Variants in TAFA1 observed in about 807,000 individuals in gnomAD.
TAFA1 encodes the protein chemokine-like protein TAFA-1.
In TAFA1, 4 loss-of-function variants were observed where a neutral mutation model predicts 18.5. The ratio of observed to expected loss-of-function variants is 0.22; its 90% CI spans 0.11 to 0.49. TAFA1 has a LOEUF of 0.49. Ranked by LOEUF, TAFA1 falls within the 20% of genes least tolerant of loss-of-function variation. The probability of loss-of-function intolerance (pLI) is 0.98; values close to 1 mark genes in which losing one functional copy is unlikely to be tolerated. For synonymous variants in TAFA1, 56 were observed against 55.2 expected, an observed-to-expected ratio of 1.01 and a Z score of -0.06; for missense variants, 147 against 169.0, an observed-to-expected ratio of 0.87 and a Z score of 0.72.
chr3:68,463,895 AC>A (rs1458405415), intron 3 of TAFA1, among the ~76,000 whole-genome samples: 1 of 152,146 alleles, frequency 6.6e-6, no homozygotes, highest in Non-Finnish European at 1.5e-5. Context: ...GTAATAAAAA[AC>A]AATTTTTAAG....
chr3:68,384,131 T>C (rs2070038818), intron 2 of TAFA1, among the ~76,000 whole-genome samples: 1 of 152,040 alleles, frequency 6.6e-6, no homozygotes, highest in South Asian at 2.1e-4. Flanking sequence ...AAAAAATGCC[T>C]CCTGTATTCA....
intron 2 of TAFA1, among the ~76,000 whole-genome samples, chr3:68,312,835 A>C (rs1042803527): frequency 6.6e-6 from 1 of 152,156 alleles, no homozygotes; most frequent in Non-Finnish European, 1.5e-5. Context: ...GTATTAGTCC[A>C]TTTTCATGCT....
intron 3 of TAFA1, among the ~76,000 whole-genome samples, chr3:68,485,057 G>C (rs527300724): frequency 6.6e-6 from 1 of 152,130 alleles, no homozygotes; most frequent in East Asian, 1.9e-4. Context: ...AGGTGGATGT[G>C]GCTGTATCTA....
intron 2 of TAFA1, among the ~76,000 whole-genome samples, chr3:68,098,283 T>G (rs2065110593): frequency 6.6e-6 from 1 of 152,126 alleles, no homozygotes; most frequent in South Asian, 2.1e-4. Context: ...TTCTGTTACA[T>G]GCATCTAAAT....
At chr3:68,173,495 C>A (rs2066084667) in intron 2 of TAFA1, among the ~76,000 whole-genome samples, 1 of 152,018 alleles carries the variant, frequency 6.6e-6, no homozygotes, top group African/African-American at 2.4e-5. Context: ...AGTGATACAG[C>A]CACACATACA....
intron 2 of TAFA1, among the ~76,000 whole-genome samples, chr3:68,048,649 A>G (rs1019838053): frequency 6.6e-6 from 1 of 151,720 alleles, no homozygotes; most frequent in African/African-American, 2.4e-5. Flanking sequence ...TCTACTCTCT[A>G]TCTCCATTAA....
chr3:68,103,301 G>A (rs759322873), intron 2 of TAFA1, among the ~76,000 whole-genome samples: 7 of 152,168 alleles, frequency 4.6e-5, no homozygotes, highest in Non-Finnish European at 8.8e-5. Context: ...CTGCAGGAAG[G>A]GCTGACCCAA....
rs546785493 is a variant in TAFA1, at chr3:68,501,998, A to G, written c.260-36758A>G. Among the ~76,000 whole-genome samples, 66 of 152,272 alleles carry G rather than the reference A, an allele frequency of 4.3e-4. 2 individuals carry two copies. In the South Asian group the frequency reaches 0.013, roughly 31 times the overall value. ...AGCTAGAAGAAAAATAATCCAAACT[A>G]TTTGGGAGGTTAGAAACCCAATCAT... On this transcript the variant is annotated intron_variant, in intron 3 of 4. Coordinates refer to ENST00000478136, the MANE Select transcript of TAFA1 (RefSeq NM_213609.4).
intron 2 of TAFA1, among the ~76,000 whole-genome samples, chr3:68,055,566 G>A (rs73106898): frequency 0.018 from 2,751 of 152,100 alleles, 49 homozygotes; most frequent in Middle Eastern, 0.037. Flanking sequence ...ATATTAGAAC[G>A]TGGGGACAGA....
chr3:68,235,344 G>T (rs572057054), intron 2 of TAFA1, among the ~76,000 whole-genome samples: 151 of 152,126 alleles, frequency 9.9e-4, no homozygotes, highest in Non-Finnish European at 1.6e-3. Context: ...GGAATAATTT[G>T]TCTCTATTAT....
At chr3:68,057,149 T>C (rs906023366) in intron 2 of TAFA1, among the ~76,000 whole-genome samples, 10 of 152,226 alleles carry the variant, frequency 6.6e-5, no homozygotes, top group African/African-American at 2.2e-4. Flanking sequence ...AATCAATGTA[T>C]ATTTCACCCT....
chr3:68,222,027 A>G (rs2066737733), intron 2 of TAFA1, among the ~76,000 whole-genome samples: 1 of 152,202 alleles, frequency 6.6e-6, no homozygotes, highest in Non-Finnish European at 1.5e-5. Context: ...ATCTGAGCAG[A>G]CCAAAAATCC....
At chr3:68,107,889 G>T (rs11718992) in intron 2 of TAFA1, among the ~76,000 whole-genome samples, 2 of 151,996 alleles carry the variant, frequency 1.3e-5, no homozygotes, top group African/African-American at 4.8e-5. Flanking sequence ...TTTTACAGAG[G>T]CCCTTGGATG....
In TAFA1 at chr3:68,529,787, T is replaced by C. The variant is rs534044962; in HGVS notation, c.260-8969T>C. The stretch of plus-strand genomic sequence containing the variant: ...TAAGAGGGTGAGAATTCACTCACCC[T>C]CCCCTGTAGGGGAATTGACCTGTTC... On this transcript the variant is annotated intron_variant, in intron 3 of 4. Transcript: ENST00000478136. 2.2e-4 allele frequency among the ~76,000 whole-genome samples: 34 copies of C among 152,186 alleles called. 1 individual carries two copies. In the East Asian group the frequency reaches 6.4e-3, roughly 29 times the overall value.
intron 2 of TAFA1, among the ~76,000 whole-genome samples, chr3:68,281,417 T>C (rs2067895031): frequency 6.6e-6 from 1 of 151,530 alleles, no homozygotes; most frequent in Admixed American, 6.6e-5. Context: ...GCTCTAGGAG[T>C]AGTTATTTAA....
upstream of TAFA1, among the ~76,000 whole-genome samples, chr3:68,001,593 G>C (rs916338032): frequency 7.6e-6 from 1 of 131,384 alleles, no homozygotes; most frequent in African/African-American, 2.9e-5. Context: ...TTTTTTTTTT[G>C]GTTGCTGCTT....
chr3:68,241,918 A>T (rs2067005602), intron 2 of TAFA1, among the ~76,000 whole-genome samples: 1 of 152,224 alleles, frequency 6.6e-6, no homozygotes, highest in Non-Finnish European at 1.5e-5. Flanking sequence ...GAAAATCTTG[A>T]AGTTTTGCAA....
At position 68,237,898 on chromosome 3, in the gene TAFA1, T is replaced by C. The variant is rs557467453; in HGVS notation, c.119-179382T>C. Among the ~76,000 whole-genome samples, 30 of 152,056 alleles carry C rather than the reference T, an allele frequency of 2.0e-4. 1 individual carries two copies. The South Asian group carries it at 6.0e-3, about 30-fold the overall frequency. On this transcript the variant is annotated intron_variant, in intron 2 of 4. Coordinates refer to ENST00000478136, the MANE Select transcript of TAFA1 (RefSeq NM_213609.4). Reference sequence around the variant, plus strand: ...AAGAGAACTTTACAAAATATCATAATAGCAGATATAAAAAGGCATCACTGA... The same window carrying C: ...AAGAGAACTTTACAAAATATCATAACAGCAGATATAAAAAGGCATCACTGA...
intron 2 of TAFA1, among the ~76,000 whole-genome samples, chr3:68,218,969 G>A (rs1026185007): frequency 2.0e-5 from 3 of 151,090 alleles, no homozygotes; most frequent in African/African-American, 7.3e-5. Context: ...TATTGCTGAA[G>A]GATTTCTAAA....
Sources: gnomAD v4.1 joint callset for allele counts (sites outside exome capture counted in the v4.1 genomes callset) on GRCh38, gnomAD v4.1.1 for gene constraint, MANE v1.5 for transcripts, NCBI Gene and HGNC (gene_info 2026-07-23, HGNC 2026-07-21) for gene names.